Variants in IGF1R observed in about 807,000 individuals in gnomAD.
The protein encoded by IGF1R is insulin-like growth factor 1 receptor.
A neutral mutation model predicts 144.6 loss-of-function variants in IGF1R; 44 were observed. The observed-to-expected ratio is 0.30, with a 90% confidence interval of 0.24 to 0.39. The LOEUF is 0.39. IGF1R is among the 10% of genes least tolerant of loss of function. IGF1R has a pLI of 1.00. For missense variants in IGF1R, 1,355 were observed against 1,833.7 expected, an observed-to-expected ratio of 0.74 and a Z score of 4.77; for synonymous variants, 795 against 722.8, an observed-to-expected ratio of 1.10 and a Z score of -1.60.
intron 2 of IGF1R, among the ~76,000 whole-genome samples, chr15:98,798,733 A>G (rs144446206): frequency 2.0e-3 from 307 of 151,826 alleles, no homozygotes; most frequent in Middle Eastern, 0.01. Context: ...AGAGAGGGCT[A>G]TTAGATCACA....
At chr15:98,693,318 G>T (rs1013462790) in intron 1 of IGF1R, among the ~76,000 whole-genome samples, 2 of 152,174 alleles carry the variant, frequency 1.3e-5, no homozygotes, top group African/African-American at 4.8e-5. Flanking sequence ...AGAGGGGCAA[G>T]ATTTACCACC....
chr15:98,824,867 C>T (rs1294385015), intron 2 of IGF1R, among the ~76,000 whole-genome samples: 1 of 150,304 alleles, frequency 6.7e-6, no homozygotes, highest in Non-Finnish European at 1.5e-5. Flanking sequence ...AACGGATTCT[C>T]GCTCTGTCAC....
chr15:98,703,157 A>G (rs978994226), intron 1 of IGF1R, among the ~76,000 whole-genome samples: 2 of 151,848 alleles, frequency 1.3e-5, no homozygotes, highest in African/African-American at 4.8e-5. Context: ...TGCTTGTCTT[A>G]TTCTTTACAG....
chr15:98,702,366 T>G (rs2053757738), intron 1 of IGF1R, among the ~76,000 whole-genome samples: 1 of 152,162 alleles, frequency 6.6e-6, no homozygotes, highest in Non-Finnish European at 1.5e-5. Context: ...TATTGTTTTT[T>G]GAGACAGAAT....
intron 1 of IGF1R, among the ~76,000 whole-genome samples, chr15:98,669,553 TTAGA>T (rs1313064473): frequency 6.6e-6 from 1 of 152,002 alleles, no homozygotes; most frequent in Non-Finnish European, 1.5e-5. Context: ...AAGGTGAGGG[TTAGA>T]TATCTGGACA....
chr15:98,925,090 C>T (rs1162496263), intron 13 of IGF1R, among the ~76,000 whole-genome samples: 2 of 151,982 alleles, frequency 1.3e-5, no homozygotes, highest in East Asian at 3.9e-4. Context: ...GGCTCGGATT[C>T]AGGGCTTGAA....
At chr15:98,922,503 A>G in intron 11 of IGF1R, 72 bp downstream of exon 11, 1 of 1,544,912 alleles carries the variant, frequency 6.5e-7, no homozygotes, top group Non-Finnish European at 8.8e-7. Context: ...TTTTATGGAC[A>G]CAGGGTCTGA....
At chr15:98,897,808 C>G (rs2014278165) in intron 4 of IGF1R, among the ~76,000 whole-genome samples, 1 of 152,138 alleles carries the variant, frequency 6.6e-6, no homozygotes, top group African/African-American at 2.4e-5. Context: ...GCCTTAAATT[C>G]TCTGCCACTG....
chr15:98,895,488 G>A (rs1443092173), intron 3 of IGF1R, among the ~76,000 whole-genome samples: 1 of 152,118 alleles, frequency 6.6e-6, no homozygotes, highest in African/African-American at 2.4e-5. Flanking sequence ...GTAAAAAAGT[G>A]CTGAAGGAAG....
Position 98,924,822 on chromosome 15 carries a change from G to T in IGF1R, c.2782+138G>T, listed in dbSNP as rs2015643096. ...CAGCTTCCAGAAGGGTCATGCTAAG[G>T]TGCCGGCACATACCGGCACTGTGTG... is the stretch of plus-strand genomic sequence containing the variant. On this transcript the variant is annotated intron_variant, in intron 13 of 20. Coordinates refer to ENST00000650285, the MANE Select transcript of IGF1R (RefSeq NM_000875.5). 20 of 823,222 alleles carry T rather than the reference G, an allele frequency of 2.4e-5. No individual in the cohort carries two copies. In the South Asian group the frequency reaches 2.9e-4, roughly 12 times the overall value. The allele number at this position is 823,222 out of a possible 1,614,324, so 51.0% of individuals were successfully genotyped here.
chr15:98,867,797 A>G (rs2012535295), intron 2 of IGF1R, among the ~76,000 whole-genome samples: 1 of 152,226 alleles, frequency 6.6e-6, no homozygotes, highest in Non-Finnish European at 1.5e-5. Context: ...ATGTGGTGCT[A>G]ATTCTGTGCT....
intron 1 of IGF1R, among the ~76,000 whole-genome samples, chr15:98,649,998 T>C (rs968604051): frequency 6.6e-6 from 1 of 152,090 alleles, no homozygotes; most frequent in African/African-American, 2.4e-5. Flanking sequence ...CGGGGCGGGC[T>C]CCGCGGTTCC....
At chr15:98,822,707 C>G (rs2056824641) in intron 2 of IGF1R, among the ~76,000 whole-genome samples, 1 of 152,172 alleles carries the variant, frequency 6.6e-6, no homozygotes, top group South Asian at 2.1e-4. Context: ...TCCCTGGTAA[C>G]TGACTGTATG....
chr15:98,870,953 G>A (rs147141405), intron 2 of IGF1R, among the ~76,000 whole-genome samples: 25 of 152,326 alleles, frequency 1.6e-4, no homozygotes, highest in African/African-American at 6.0e-4. Flanking sequence ...GTGGAGGTGC[G>A]GGAGGCATGA....
intron 2 of IGF1R, among the ~76,000 whole-genome samples, chr15:98,713,882 G>A (rs1002047647): frequency 7.2e-5 from 11 of 152,176 alleles, no homozygotes; most frequent in Admixed American, 5.2e-4. Context: ...CCCTGAGTGC[G>A]TGTGAGAAGG....
intron 2 of IGF1R, among the ~76,000 whole-genome samples, chr15:98,710,703 A>G (rs565235188): frequency 7.0e-6 from 1 of 142,488 alleles, no homozygotes; most frequent in East Asian, 2.0e-4. Context: ...TTTCGCTCTC[A>G]TCACCCAGGC....
intron 1 of IGF1R, among the ~76,000 whole-genome samples, chr15:98,698,058 A>G (rs1269139382): frequency 1.7e-5 from 2 of 117,228 alleles, no homozygotes; most frequent in South Asian, 2.7e-4. Context: ...TTTTTTTAAG[A>G]GATGGAGTCT....
At chr15:98,909,242 C>A in intron 6 of IGF1R, among the ~76,000 whole-genome samples, 1 of 60,014 alleles carries the variant, frequency 1.7e-5, no homozygotes, top group East Asian at 1.1e-3. Context: ...TTTTTCTTTT[C>A]TTTTTTTTCT....
chr15:98,696,577 T>G (rs541806633), intron 1 of IGF1R, among the ~76,000 whole-genome samples: 1 of 152,354 alleles, frequency 6.6e-6, no homozygotes, highest in African/African-American at 2.4e-5. Context: ...TATTGTAGTT[T>G]ACGGCTTCTG....
Sources: allele counts gnomAD v4.1 joint callset (sites outside exome capture counted in the v4.1 genomes callset), GRCh38; gene constraint gnomAD v4.1.1; transcripts MANE v1.5; gene names NCBI Gene and HGNC (gene_info 2026-07-23, HGNC 2026-07-21).